The following EPHB1 variants were observed in gnomAD, a reference collection of about 807,000 sequenced individuals.
EPHB1 encodes ephrin type-B receptor 1.
A neutral mutation model predicts 94.4 loss-of-function variants in EPHB1; 30 were observed. The ratio of observed to expected loss-of-function variants is 0.32; its 90% CI spans 0.24 to 0.43. The LOEUF is 0.43. EPHB1 is among the 20% of genes least tolerant of loss of function. EPHB1 has a pLI of 1.00. For missense variants in EPHB1, 1,055 were observed against 1,308.3 expected (o/e 0.81, Z 2.99); for synonymous variants, 522 against 489.1 (o/e 1.07, Z -0.89).
chr3:135,244,856 C>G (rs1485542838), intron 13 of EPHB1, among the ~76,000 whole-genome samples: 2 of 152,180 alleles, frequency 1.3e-5, no homozygotes, highest in African/African-American at 2.4e-5. Context: ...AATGATTGAT[C>G]TCAGTATTTT....
intron 1 of EPHB1, among the ~76,000 whole-genome samples, chr3:134,895,426 C>G: frequency 6.6e-6 from 1 of 152,156 alleles, no homozygotes; most frequent in Non-Finnish European, 1.5e-5. Flanking sequence ...GGCTATCCTT[C>G]CAACATCACG....
chr3:135,057,228 C>T (rs767132894), intron 3 of EPHB1, among the ~76,000 whole-genome samples: 31 of 152,086 alleles, frequency 2.0e-4, no homozygotes, highest in Non-Finnish European at 3.8e-4. Flanking sequence ...TCTTTCCCAG[C>T]AGGAGTCCCC....
chr3:135,193,365 A>G (rs963130620), intron 11 of EPHB1, among the ~76,000 whole-genome samples: 6 of 152,334 alleles, frequency 3.9e-5, no homozygotes, highest in African/African-American at 9.6e-5. Context: ...TTCCCAACCA[A>G]CTTGCAGCAG....
intron 1 of EPHB1, among the ~76,000 whole-genome samples, chr3:134,873,280 T>C (rs560403078): frequency 6.6e-6 from 1 of 152,302 alleles, no homozygotes; most frequent in South Asian, 2.1e-4. Context: ...GCTTGTGGCC[T>C]GAACATCTTG....
intron 7 of EPHB1, 150 bp downstream of exon 7, chr3:135,162,330 A>T (rs946799134): frequency 1.1e-6 from 1 of 934,632 alleles, no homozygotes; most frequent in African/African-American, 1.7e-5. Flanking sequence ...CAGTAGGGCC[A>T]TGTAGATTTT....
At chr3:135,004,750 T>A (rs1222039740) in intron 3 of EPHB1, among the ~76,000 whole-genome samples, 1 of 151,952 alleles carries the variant, frequency 6.6e-6, no homozygotes, top group African/African-American at 2.4e-5. Flanking sequence ...GTTGATTGCA[T>A]CGGCTCCTGA....
At chr3:135,167,800 C>T (rs1213540375) in intron 9 of EPHB1, among the ~76,000 whole-genome samples, 1 of 152,220 alleles carries the variant, frequency 6.6e-6, no homozygotes, top group Admixed American at 6.5e-5. Flanking sequence ...TGTCCCAGCA[C>T]TGTGTGCTAT....
intron 1 of EPHB1, among the ~76,000 whole-genome samples, chr3:134,818,786 G>A (rs747793032): frequency 4.6e-5 from 7 of 152,158 alleles, no homozygotes; most frequent in African/African-American, 1.4e-4. Flanking sequence ...ATTGGTGGAC[G>A]TTTGGGTTGG....
At chr3:135,180,516 A>G (rs905112515) in intron 10 of EPHB1, among the ~76,000 whole-genome samples, 1 of 152,090 alleles carries the variant, frequency 6.6e-6, no homozygotes, top group African/African-American at 2.4e-5. Flanking sequence ...TGTTTGTTTT[A>G]CAAAAAATCT....
chr3:134,979,486 G>A (rs1052961599), intron 3 of EPHB1, among the ~76,000 whole-genome samples: 3 of 152,284 alleles, frequency 2.0e-5, no homozygotes, highest in African/African-American at 2.4e-5. Context: ...ATTTTAGAAA[G>A]GGCTTCTCTC....
At chr3:135,077,579 A>G (rs1937985604) in intron 3 of EPHB1, among the ~76,000 whole-genome samples, 1 of 152,162 alleles carries the variant, frequency 6.6e-6, no homozygotes, top group African/African-American at 2.4e-5. Flanking sequence ...AGGTAGGAGG[A>G]AGACGTGGTA....
intron 1 of EPHB1, among the ~76,000 whole-genome samples, chr3:134,860,682 A>G (rs2037236745): frequency 1.3e-5 from 2 of 150,002 alleles, no homozygotes; most frequent in Admixed American, 1.3e-4. Context: ...GTGTGGTGGC[A>G]GGTGCCTGTA....
At chr3:135,241,030 C>A in intron 12 of EPHB1, 118 bp from the exon 13 acceptor site, 1 of 1,230,710 alleles carries the variant, frequency 8.1e-7, no homozygotes, top group Non-Finnish European at 1.2e-6. Context: ...GCCTGTCTGT[C>A]ATAATTCACA....
chr3:135,164,806 C>CAAAAAAAAAAAAAAAAAAAAAAAA (rs59870139), intron 7 of EPHB1, among the ~76,000 whole-genome samples: 1 of 86,408 alleles, frequency 1.2e-5, no homozygotes, highest in Non-Finnish European at 2.2e-5. Context: ...AAGACTGTCT[C>CAAAAAAAAAAAAAAAAAAAAAAAA]AAAAAAAAAA....
chr3:135,202,377 G>A (rs1352957028), intron 12 of EPHB1, among the ~76,000 whole-genome samples: 1 of 152,170 alleles, frequency 6.6e-6, no homozygotes, highest in Non-Finnish European at 1.5e-5. Flanking sequence ...AATGATGTTT[G>A]ATTTCTTTCT....
At chr3:135,060,018 T>A (rs1937449265) in intron 3 of EPHB1, among the ~76,000 whole-genome samples, 1 of 152,228 alleles carries the variant, frequency 6.6e-6, no homozygotes, top group African/African-American at 2.4e-5. Context: ...CTTCTATTTC[T>A]GAAAGAACAG....
intron 3 of EPHB1, among the ~76,000 whole-genome samples, chr3:135,099,576 CCT>C (rs1938956013): frequency 6.6e-6 from 1 of 152,202 alleles, no homozygotes; most frequent in Non-Finnish European, 1.5e-5. Context: ...CATGCCACTT[CCT>C]TCTAGGGAGT....
At chr3:135,040,533 G>C (rs1279169514) in intron 3 of EPHB1, among the ~76,000 whole-genome samples, 1 of 152,226 alleles carries the variant, frequency 6.6e-6, no homozygotes, top group Middle Eastern at 3.2e-3. Context: ...GCAGGAGTGT[G>C]GGACTGACCC....
intron 11 of EPHB1, among the ~76,000 whole-genome samples, chr3:135,198,943 C>A (rs891716376): frequency 6.6e-6 from 1 of 152,200 alleles, no homozygotes; most frequent in Non-Finnish European, 1.5e-5. Context: ...GGCTCCAAAG[C>A]CTGGACCTTT....
Sources: allele counts gnomAD v4.1 joint callset (sites outside exome capture counted in the v4.1 genomes callset), GRCh38; gene constraint gnomAD v4.1.1; transcripts MANE v1.5; gene names NCBI Gene and HGNC (gene_info 2026-07-23, HGNC 2026-07-21).